KCND2: variants seen among roughly 807,000 people sequenced by gnomAD.
KCND2 encodes the protein potassium voltage-gated channel subfamily D member 2, also known as A-type voltage-gated potassium channel KCND2.
In KCND2, 16 loss-of-function variants were observed where a neutral mutation model predicts 54.4. That is an observed-to-expected ratio of 0.29 (90% CI 0.20 to 0.45). The LOEUF is 0.45. KCND2 is among the 20% of genes least tolerant of loss of function. The probability of loss-of-function intolerance (pLI) is 1.00; values close to 1 mark genes in which losing one functional copy is unlikely to be tolerated. For missense variants in KCND2, 486 were observed against 824.2 expected (o/e 0.59, Z 5.02); for synonymous variants, 317 against 310.7 (o/e 1.02, Z -0.21).
At chr7:120,472,702 C>T (rs890034708) in intron 1 of KCND2, among the ~76,000 whole-genome samples, 1 of 152,106 alleles carries the variant, frequency 6.6e-6, no homozygotes, top group African/African-American at 2.4e-5. Context: ...ACAGACTAAA[C>T]TCAGTGAACT....
intron 1 of KCND2, among the ~76,000 whole-genome samples, chr7:120,702,994 C>T (rs5009999): frequency 0.39 from 58,888 of 151,916 alleles, 12,791 homozygotes; most frequent in African/African-American, 0.57. Context: ...GATTATTTAT[C>T]ATCTTTGCTC....
intron 1 of KCND2, among the ~76,000 whole-genome samples, chr7:120,298,207 A>G (rs1799538126): frequency 6.6e-6 from 1 of 152,188 alleles, no homozygotes; most frequent in African/African-American, 2.4e-5. Context: ...ATACACATCA[A>G]AAAAGAGTCT....
At chr7:120,671,454 G>A (rs1022124144) in intron 1 of KCND2, among the ~76,000 whole-genome samples, 4 of 151,982 alleles carry the variant, frequency 2.6e-5, no homozygotes, top group Non-Finnish European at 4.4e-5. Flanking sequence ...TCTACGGCCC[G>A]GGAGGTGGGG....
At chr7:120,323,195 G>GC (rs1799918920) in intron 1 of KCND2, among the ~76,000 whole-genome samples, 1 of 151,902 alleles carries the variant, frequency 6.6e-6, no homozygotes, top group Admixed American at 6.6e-5. Context: ...TCCTACCTGT[G>GC]CCCTGTGTTC....
chr7:120,526,281 G>A (rs1791773076), intron 1 of KCND2, among the ~76,000 whole-genome samples: 1 of 152,076 alleles, frequency 6.6e-6, no homozygotes, highest in African/African-American at 2.4e-5. Context: ...AGGAGAAATG[G>A]ATCTTAAATC....
chr7:120,662,691 A>G (rs886274176), intron 1 of KCND2, among the ~76,000 whole-genome samples: 4 of 152,230 alleles, frequency 2.6e-5, no homozygotes, highest in African/African-American at 9.6e-5. Context: ...CTTACTTCAG[A>G]TAACTCAGCC....
At chr7:120,416,503 G>A (rs1382473169) in intron 1 of KCND2, among the ~76,000 whole-genome samples, 2 of 152,088 alleles carry the variant, frequency 1.3e-5, no homozygotes, top group African/African-American at 4.8e-5. Flanking sequence ...CATAAAAGCT[G>A]GTTTAACAAG....
chr7:120,494,569 A>C (rs1412334478), intron 1 of KCND2, among the ~76,000 whole-genome samples: 3 of 152,120 alleles, frequency 2.0e-5, no homozygotes, highest in African/African-American at 7.2e-5. Flanking sequence ...ATTTACCTTA[A>C]AAATATGTTT....
At chr7:120,621,371 C>A (rs1179097477) in intron 1 of KCND2, among the ~76,000 whole-genome samples, 1 of 150,848 alleles carries the variant, frequency 6.6e-6, no homozygotes, top group East Asian at 2.0e-4. Context: ...CACTTCATAG[C>A]CTTTTATCTG....
chr7:120,600,989 T>A (rs990495244), intron 1 of KCND2, among the ~76,000 whole-genome samples: 1 of 152,112 alleles, frequency 6.6e-6, no homozygotes, highest in Non-Finnish European at 1.5e-5. Context: ...ATTTGTATAT[T>A]TTCCTTAGGA....
intron 1 of KCND2, among the ~76,000 whole-genome samples, chr7:120,399,315 C>A (rs10241131): frequency 6.6e-6 from 1 of 151,492 alleles, no homozygotes; most frequent in Non-Finnish European, 1.5e-5. Flanking sequence ...CAGACTCTGT[C>A]ATCAGAGTTT....
intron 1 of KCND2, among the ~76,000 whole-genome samples, chr7:120,533,387 T>C (rs544730273): frequency 2.6e-5 from 4 of 152,228 alleles, no homozygotes; most frequent in African/African-American, 4.8e-5. Flanking sequence ...GTCATCGCCA[T>C]AGTTTCTCAT....
intron 1 of KCND2, among the ~76,000 whole-genome samples, chr7:120,433,434 A>T (rs371452238): frequency 2.6e-4 from 39 of 152,220 alleles, no homozygotes; most frequent in East Asian, 1.3e-3. Flanking sequence ...ACTATTTCAG[A>T]TGACTATGAT....
At position 120,748,038 on chromosome 7, in the gene KCND2, G is replaced by A; in HGVS notation, c.*180G>A. 1.7e-6 allele frequency: 1 copy of A among 593,644 alleles called. No individual in the cohort carries two copies. The highest frequency in any genetic ancestry group is 3.0e-6 in the Non-Finnish European group (1 of 335,636). 36.8% of individuals were successfully genotyped at this position (593,644 alleles called of 1,614,324 possible). ...ATAAAACCACCAAATGGCATTTCTA[G>A]ACAGTTTGACCTGTTATACAGAGTA... On this transcript the variant is annotated 3_prime_UTR_variant, in exon 6 of 6. Coordinates refer to ENST00000331113, the MANE Select transcript of KCND2 (RefSeq NM_012281.3).
At chr7:120,437,820 C>T (rs1801891376) in intron 1 of KCND2, among the ~76,000 whole-genome samples, 1 of 152,156 alleles carries the variant, frequency 6.6e-6, no homozygotes, top group Non-Finnish European at 1.5e-5. Flanking sequence ...CAGAATGAAG[C>T]TCTGTGTAAT....
intron 1 of KCND2, among the ~76,000 whole-genome samples, chr7:120,326,227 C>T (rs1331571201): frequency 2.0e-5 from 3 of 151,940 alleles, no homozygotes. Flanking sequence ...CCTACTCTTC[C>T]TTTGGGCTGC....
At chr7:120,612,840 A>G (rs1445162969) in intron 1 of KCND2, among the ~76,000 whole-genome samples, 1 of 152,218 alleles carries the variant, frequency 6.6e-6, no homozygotes, top group Admixed American at 6.5e-5. Context: ...TTTTGTAGTC[A>G]CTGTAAGGAA....
intron 1 of KCND2, among the ~76,000 whole-genome samples, chr7:120,350,986 A>C (rs896767104): frequency 6.6e-6 from 1 of 152,052 alleles, no homozygotes; most frequent in Non-Finnish European, 1.5e-5. Flanking sequence ...AAGTGTAGTT[A>C]TTGAAATATA....
At chr7:120,454,711 G>A (rs1025425313) in intron 1 of KCND2, among the ~76,000 whole-genome samples, 4 of 150,764 alleles carry the variant, frequency 2.7e-5, no homozygotes, top group Non-Finnish European at 5.9e-5. Flanking sequence ...GGAATAAAAG[G>A]CATCCAAATA....
Sources: gnomAD v4.1 joint callset for allele counts (sites outside exome capture counted in the v4.1 genomes callset) on GRCh38, gnomAD v4.1.1 for gene constraint, MANE v1.5 for transcripts, NCBI Gene and HGNC (gene_info 2026-07-23, HGNC 2026-07-21) for gene names.